Variants in NCKAP5 observed in about 807,000 individuals in gnomAD.
NCKAP5 encodes the protein NCK associated protein 5.
In NCKAP5, 92 loss-of-function variants were observed where a neutral mutation model predicts 167.0. That is an observed-to-expected ratio of 0.55 (90% confidence interval 0.47 to 0.66). The LOEUF (loss-of-function observed/expected upper bound fraction) is 0.66. NCKAP5 is among the 30% of genes least tolerant of loss of function. The pLI, the probability that NCKAP5 is intolerant of heterozygous loss-of-function variation, is 0.00. For synonymous variants in NCKAP5, 891 were observed against 877.4 expected (o/e 1.02, Z -0.27); for missense variants, 2,378 against 2,315.0 (o/e 1.03, Z -0.56).
chr2:133,395,176 C>T (rs1687658164), intron 3 of NCKAP5, among the ~76,000 whole-genome samples: 1 of 152,168 alleles, frequency 6.6e-6, no homozygotes, highest in Admixed American at 6.5e-5. Flanking sequence ...GGGACCTGGG[C>T]TTGGGTATGT....
chr2:132,767,797 T>A (rs1249514342), intron 16 of NCKAP5, among the ~76,000 whole-genome samples: 2 of 152,234 alleles, frequency 1.3e-5, no homozygotes, highest in Non-Finnish European at 2.9e-5. Context: ...GCATGATACA[T>A]TAGCTGCAGA....
At chr2:132,678,324 A>G (rs1444685876) in intron 19 of NCKAP5, among the ~76,000 whole-genome samples, 1 of 152,182 alleles carries the variant, frequency 6.6e-6, no homozygotes, top group East Asian at 1.9e-4. Context: ...ATTATTTCAA[A>G]TACATTTCCA....
intron 10 of NCKAP5, among the ~76,000 whole-genome samples, chr2:132,865,407 T>C (rs1386044728): frequency 6.6e-6 from 1 of 152,176 alleles, no homozygotes; most frequent in African/African-American, 2.4e-5. Flanking sequence ...CAGGATTAAA[T>C]ACTCACCAAG....
chr2:133,321,113 T>A (rs973095786), intron 3 of NCKAP5, among the ~76,000 whole-genome samples: 2 of 152,166 alleles, frequency 1.3e-5, no homozygotes, highest in African/African-American at 4.8e-5. Context: ...TCTTGCCTTA[T>A]CCCAGGTGGA....
intron 7 of NCKAP5, among the ~76,000 whole-genome samples, chr2:132,981,058 A>G (rs2077123909): frequency 6.6e-6 from 1 of 152,194 alleles, no homozygotes; most frequent in South Asian, 2.1e-4. Flanking sequence ...ATGTGGAACA[A>G]AATTTATTAG....
chr2:132,872,587 C>T (rs572537979), intron 9 of NCKAP5, among the ~76,000 whole-genome samples: 1 of 152,196 alleles, frequency 6.6e-6, no homozygotes, highest in Non-Finnish European at 1.5e-5. Context: ...GGAGAAGCTT[C>T]AGGTTTACGG....
At chr2:133,445,480 T>G (rs1691135702) in intron 3 of NCKAP5, among the ~76,000 whole-genome samples, 1 of 152,238 alleles carries the variant, frequency 6.6e-6, no homozygotes, top group Non-Finnish European at 1.5e-5. Context: ...CTCACTTTTG[T>G]AGACCTTGGA....
At chr2:133,012,360 G>T (rs1208288382) in intron 6 of NCKAP5, among the ~76,000 whole-genome samples, 1 of 152,216 alleles carries the variant, frequency 6.6e-6, no homozygotes, top group African/African-American at 2.4e-5. Context: ...CCATTATCCT[G>T]CCTCAGCCTC....
intron 19 of NCKAP5, among the ~76,000 whole-genome samples, chr2:132,718,755 G>A (rs1181912595): frequency 2.0e-5 from 3 of 152,218 alleles, no homozygotes; most frequent in African/African-American, 7.2e-5. Context: ...AATGCAGTGA[G>A]ATGGCTGCAT....
intron 4 of NCKAP5, among the ~76,000 whole-genome samples, chr2:133,228,452 A>G (rs2086995035): frequency 6.6e-6 from 1 of 152,142 alleles, no homozygotes; most frequent in Non-Finnish European, 1.5e-5. Context: ...TCTTCATACT[A>G]TCTTGACCCC....
rs544491183 is a variant in NCKAP5, at chr2:133,546,902, G to A, written c.-62+12148C>T. 1.5e-3 allele frequency among the ~76,000 whole-genome samples: 223 copies of A among 152,266 alleles called. 1 individual carries two copies. Among genetic ancestry groups the A allele is most frequent in the African/African-American group, 4.5e-3 (188 of 41,546 alleles). The stretch of plus-strand genomic sequence containing the variant: ...AAGATGGCCGAATAGGAACAGCTAC[G>A]GTCTACAGCTCCCAGCGTGAGCAAC... On this transcript the variant is annotated intron_variant, in intron 2 of 19. Coordinates refer to ENST00000409261, the MANE Select transcript of NCKAP5 (RefSeq NM_207363.3).
At chr2:132,719,889 A>G (rs942536424) in intron 19 of NCKAP5, among the ~76,000 whole-genome samples, 1 of 152,204 alleles carries the variant, frequency 6.6e-6, no homozygotes, top group African/African-American at 2.4e-5. Context: ...TTTCTAGAGG[A>G]AAAAAGAGAG....
the NCKAP5 span, among the ~76,000 whole-genome samples, chr2:133,611,285 C>T: frequency 2.8e-4 from 42 of 152,204 alleles, no homozygotes; most frequent in African/African-American, 1.0e-3. Flanking sequence ...CCACCACCTC[C>T]TCCATCTGCA....
intron 11 of NCKAP5, among the ~76,000 whole-genome samples, chr2:132,813,510 G>C (rs920331238): frequency 6.6e-6 from 1 of 152,078 alleles, no homozygotes; most frequent in African/African-American, 2.4e-5. Flanking sequence ...GGGAAGTAGG[G>C]GGTCAGTCTA....
At chr2:133,163,830 G>C (rs530793668) in intron 5 of NCKAP5, among the ~76,000 whole-genome samples, 1 of 152,284 alleles carries the variant, frequency 6.6e-6, no homozygotes, top group East Asian at 1.9e-4. Flanking sequence ...AATTGTATGA[G>C]ATGAATTCCA....
At chr2:133,065,487 T>C (rs572331337) in intron 6 of NCKAP5, among the ~76,000 whole-genome samples, 1 of 152,102 alleles carries the variant, frequency 6.6e-6, no homozygotes, top group Non-Finnish European at 1.5e-5. Flanking sequence ...TATCTGGGCA[T>C]GGTGGCGCGT....
At chr2:132,915,193 T>C (rs977703216) in intron 8 of NCKAP5, among the ~76,000 whole-genome samples, 1 of 152,012 alleles carries the variant, frequency 6.6e-6, no homozygotes, top group Non-Finnish European at 1.5e-5. Context: ...GGGCATCCAG[T>C]GTCTCCTTCC....
At chr2:132,786,314 G>T (rs1305595683) in intron 13 of NCKAP5, among the ~76,000 whole-genome samples, 1 of 152,160 alleles carries the variant, frequency 6.6e-6, no homozygotes, top group Admixed American at 6.6e-5. Context: ...GGTGCAGAGG[G>T]TAAAGCTGGA....
chr2:133,011,356 G>A (rs6723902), intron 6 of NCKAP5, among the ~76,000 whole-genome samples: 499 of 152,298 alleles, frequency 3.3e-3, no homozygotes, highest in African/African-American at 0.012. Context: ...CCTGATTCCA[G>A]TTATCACTGC....
Sources: allele counts gnomAD v4.1 joint callset (sites outside exome capture counted in the v4.1 genomes callset), GRCh38; gene constraint gnomAD v4.1.1; transcripts MANE v1.5; gene names NCBI Gene and HGNC (gene_info 2026-07-23, HGNC 2026-07-21).